Variants in KICS2 observed in about 807,000 individuals in gnomAD.
The protein encoded by KICS2 is KICSTOR complex protein C12orf66.
Under a neutral mutation model 31.4 loss-of-function variants are expected in KICS2, and 13 were observed. That is an observed-to-expected ratio of 0.41 (90% CI 0.27 to 0.66). The LOEUF (loss-of-function observed/expected upper bound fraction) is 0.66, where lower values mean the gene tolerates loss of function less well. Ranked by LOEUF, KICS2 falls within the 30% of genes least tolerant of loss-of-function variation. KICS2 has a pLI of 0.28. For missense variants in KICS2, 455 were observed against 545.4 expected, an observed-to-expected ratio of 0.83 and a Z score of 1.65; for synonymous variants, 209 against 214.8, an observed-to-expected ratio of 0.97 and a Z score of 0.24.
At chr12:64,210,725 C>T (rs537117535) in intron 2 of KICS2, among the ~76,000 whole-genome samples, 12 of 152,190 alleles carry the variant, frequency 7.9e-5, no homozygotes, top group African/African-American at 2.7e-4. Flanking sequence ...TGCAGTGAGC[C>T]GAGAGAGCGC....
At chr12:64,194,733 A>C (rs977877520) in intron 2 of KICS2, 75 bp from the exon 3 acceptor site, 5 of 1,485,086 alleles carry the variant, frequency 3.4e-6, no homozygotes, top group Middle Eastern at 2.1e-4. Flanking sequence ...CTAACCACAA[A>C]GCAACAAAAT....
chr12:64,212,267 C>A (rs1005470094), intron 2 of KICS2, among the ~76,000 whole-genome samples: 2 of 152,166 alleles, frequency 1.3e-5, no homozygotes, highest in Non-Finnish European at 2.9e-5. Flanking sequence ...AAAAGTCTCA[C>A]GGTCCCCAAA....
intron 2 of KICS2, among the ~76,000 whole-genome samples, chr12:64,210,712 A>C (rs191461701): frequency 6.6e-6 from 1 of 152,186 alleles, no homozygotes; most frequent in Non-Finnish European, 1.5e-5. Context: ...AGGCAGTTGA[A>C]GCTGCAGTGA....
chr12:64,222,096 C>A lies in KICS2; in HGVS notation c.142G>T (p.Gly48Trp). ...GCCAGCAGCGACAGCCAGCTGCCCC[C>A]CGCGCTCTTGTTGGCCTCTCGTTCC... The part of the protein sequence containing the change: ...EKEREANKSA[G>W]GSWLSLLAAL... Residue 48 changes from glycine to tryptophan, a missense_variant, in exon 1 of 3, where the codon GGG becomes TGG. Transcript: ENST00000398055. 1 of 1,614,002 alleles carries A rather than the reference C, an allele frequency of 6.2e-7. No homozygotes were observed. Among genetic ancestry groups the A allele is most frequent in the South Asian group, 1.1e-5 (1 of 91,066 alleles).
intron 2 of KICS2, among the ~76,000 whole-genome samples, chr12:64,201,620 A>AG (rs2037490399): frequency 4.5e-5 from 1 of 22,174 alleles, no homozygotes; most frequent in African/African-American, 1.6e-4. Flanking sequence ...AAAAAAAAAG[A>AG]AAAAAAAAAA....
intron 1 of KICS2, among the ~76,000 whole-genome samples, chr12:64,217,190 T>C (rs2037637383): frequency 6.6e-6 from 1 of 152,220 alleles, no homozygotes; most frequent in African/African-American, 2.4e-5. Context: ...TTCCAGGTTT[T>C]AGCACTAGAA....
At chr12:64,211,488 G>A (rs764089944) in intron 2 of KICS2, among the ~76,000 whole-genome samples, 24 of 152,204 alleles carry the variant, frequency 1.6e-4, no homozygotes, top group Admixed American at 2.6e-4. Flanking sequence ...GCGTGGTGGC[G>A]CATGCCTGTA....
rs1329404339 is a variant in KICS2, at chr12:64,193,425, AAG to A, written c.*415_*416del. 1.2e-5 allele frequency: 12 copies of A among 989,624 alleles called. No individual in the cohort carries two copies. Among genetic ancestry groups the A allele is most frequent in the Non-Finnish European group, 1.4e-5 (12 of 832,978 alleles). 61.3% of individuals were successfully genotyped at this position (989,624 alleles called of 1,614,324 possible). On this transcript the variant is annotated 3_prime_UTR_variant, in exon 3 of 3. Transcript: ENST00000398055. Reference sequence around the variant, plus strand: ...AAAACATATAGTTCTTAATTCTAAAAAGGCCATTTAATATCTCATCCCTATTA... The same window carrying A: ...AAAACATATAGTTCTTAATTCTAAAAGCCATTTAATATCTCATCCCTATTA...
intron 1 of KICS2, 107 bp from the exon 2 acceptor site, chr12:64,216,070 T>G: frequency 3.1e-6 from 3 of 974,670 alleles, no homozygotes; most frequent in East Asian, 2.5e-5. Flanking sequence ...TTGAGCTCAG[T>G]AAGTTTTCAT....
Position 64,220,462 on chromosome 12 carries a change from C to T in KICS2, c.235+1541G>A, listed in dbSNP as rs532011442. Among the ~76,000 whole-genome samples, 39 of 151,878 alleles carry T rather than the reference C, an allele frequency of 2.6e-4. No homozygotes were observed. The East Asian group carries it at 7.0e-3, about 27-fold the overall frequency. ...TTCAACTGAACCCACTCAGGTTATA[C>T]GCAAAATTATATGTACATATATATT... On this transcript the variant is annotated intron_variant, in intron 1 of 2. Coordinates refer to ENST00000398055, the MANE Select transcript of KICS2 (RefSeq NM_152440.5).
At chr12:64,218,958 C>T (rs551125138) in intron 1 of KICS2, among the ~76,000 whole-genome samples, 171 of 152,262 alleles carry the variant, frequency 1.1e-3, no homozygotes, top group African/African-American at 2.6e-3. Flanking sequence ...GAATATCCAG[C>T]GGGGACTGAC....
intron 1 of KICS2, chr12:64,221,636 G>A: frequency 3.1e-6 from 1 of 321,606 alleles, no homozygotes; most frequent in East Asian, 7.0e-5. Flanking sequence ...ATAGAACTAG[G>A]TTGTTTTGCA....
At position 64,194,139 on chromosome 12, in the gene KICS2, T is replaced by C. The variant is rs764369829; in HGVS notation, c.1041A>G (p.Pro347=). 1.2e-6 allele frequency: 2 copies of C among 1,614,148 alleles called. No individual in the cohort carries two copies. The highest frequency in any genetic ancestry group is 1.3e-5 in the African/African-American group (1 of 75,034). Reference sequence around the variant, plus strand: ...TGTCGCTGGGCAGAGACACTACAGCTGGATACTGGTCCACACCCTTGGGGG... The same window carrying C: ...TGTCGCTGGGCAGAGACACTACAGCCGGATACTGGTCCACACCCTTGGGGG... ...REAPKGVDQY[P]AVVSLPSDRP... is the part of the protein sequence containing the mutation. The change falls in exon 3 of 3, where the codon CCA becomes CCG. Residue 347 remains proline (P), a synonymous_variant. Coordinates refer to ENST00000398055, the MANE Select transcript of KICS2 (RefSeq NM_152440.5).
At chr12:64,194,751 C>G in intron 2 of KICS2, 93 bp from the exon 3 acceptor site, 1 of 1,445,258 alleles carries the variant, frequency 6.9e-7, no homozygotes, top group Non-Finnish European at 9.1e-7. Context: ...AATGGCCAAA[C>G]ATAATATTAT....
chr12:64,193,341 T>C lies in KICS2; in HGVS notation c.*501A>G, dbSNP rs1038667598. The C allele has an allele frequency of 1.5e-5, 15 of 985,424 alleles. No individual in the cohort carries two copies. In the Admixed American group the frequency reaches 1.8e-4, roughly 12 times the overall value. 61.0% of individuals were successfully genotyped at this position (985,424 alleles called of 1,614,324 possible). A position where few individuals can be genotyped will look rare whatever the true frequency, so the allele number is the denominator to read the frequency against. On this transcript the variant is annotated 3_prime_UTR_variant, in exon 3 of 3. Coordinates refer to ENST00000398055, the MANE Select transcript of KICS2 (RefSeq NM_152440.5). ...TAATTTTGGCATCAAAAATGTTAAT[T>C]TGTAGATCAGAATCATAAATCTACT...
intron 2 of KICS2, among the ~76,000 whole-genome samples, chr12:64,210,090 T>C (rs1324616542): frequency 6.6e-6 from 1 of 152,202 alleles, no homozygotes; most frequent in African/African-American, 2.4e-5. Context: ...AGTTGATACA[T>C]AAAGGAATCC....
At chr12:64,209,013 T>A (rs1434169404) in intron 2 of KICS2, among the ~76,000 whole-genome samples, 1 of 152,006 alleles carries the variant, frequency 6.6e-6, no homozygotes, top group Non-Finnish European at 1.5e-5. Context: ...TAAATAAGTG[T>A]GTAAAAAATT....
At chr12:64,210,619 A>T (rs189189402) in intron 2 of KICS2, among the ~76,000 whole-genome samples, 1 of 152,238 alleles carries the variant, frequency 6.6e-6, no homozygotes, top group African/African-American at 2.4e-5. Flanking sequence ...CTGCAAAAAA[A>T]TAAAATAATT....
chr12:64,212,229 G>A (rs1396050293), intron 2 of KICS2, among the ~76,000 whole-genome samples: 1 of 151,918 alleles, frequency 6.6e-6, no homozygotes, highest in Non-Finnish European at 1.5e-5. Context: ...TTGCAGAATT[G>A]CGCAACCATC....
Sources: allele counts gnomAD v4.1 joint callset (sites outside exome capture counted in the v4.1 genomes callset), GRCh38; gene constraint gnomAD v4.1.1; transcripts MANE v1.5; gene names NCBI Gene and HGNC (gene_info 2026-07-23, HGNC 2026-07-21).